RFX7: variants seen among roughly 807,000 people sequenced by gnomAD.
The protein encoded by RFX7 is DNA-binding protein RFX7.
In RFX7, 26 loss-of-function variants were observed where a neutral mutation model predicts 111.8. The ratio of observed to expected loss-of-function variants is 0.23; its 90% CI spans 0.17 to 0.32. The LOEUF is 0.32. Ranked by LOEUF, RFX7 falls within the 10% of genes least tolerant of loss-of-function variation. The pLI, the probability that RFX7 is intolerant of heterozygous loss-of-function variation, is 1.00. For missense variants in RFX7, 1,573 were observed against 1,772.9 expected (o/e 0.89, Z 2.02); for synonymous variants, 624 against 624.4 (o/e 1.00, Z 0.01).
At chr15:56,196,768 T>G (rs114615330) in intron 2 of RFX7, among the ~76,000 whole-genome samples, 1 of 152,224 alleles carries the variant, frequency 6.6e-6, no homozygotes, top group Non-Finnish European at 1.5e-5. Flanking sequence ...CAAACTAATA[T>G]GCACGGTATT....
chr15:56,196,024 A>G (rs2043143391), intron 2 of RFX7, among the ~76,000 whole-genome samples: 1 of 152,192 alleles, frequency 6.6e-6, no homozygotes, highest in South Asian at 2.1e-4. Flanking sequence ...GAACTTTATC[A>G]TAAGGTAACT....
chr15:56,102,015 C>T (rs1183916497), intron 7 of RFX7, among the ~76,000 whole-genome samples, 154 bp downstream of exon 7: 1 of 152,136 alleles, frequency 6.6e-6, no homozygotes, highest in African/African-American at 2.4e-5. Flanking sequence ...AGGTCATATA[C>T]ACTAACATTT....
intron 4 of RFX7, 133 bp downstream of exon 4, chr15:56,144,268 T>C: frequency 3.8e-6 from 1 of 264,206 alleles, no homozygotes; most frequent in East Asian, 8.1e-5. Context: ...TGATGTATTG[T>C]TTTGCCAGTA....
At chr15:56,180,866 G>A (rs1284382086) in intron 2 of RFX7, among the ~76,000 whole-genome samples, 1 of 151,942 alleles carries the variant, frequency 6.6e-6, no homozygotes, top group Non-Finnish European at 1.5e-5. Flanking sequence ...GCAGTGAGGT[G>A]AGATTGTGCC....
At chr15:56,216,945 T>C (rs1363201618) in intron 2 of RFX7, among the ~76,000 whole-genome samples, 1 of 152,162 alleles carries the variant, frequency 6.6e-6, no homozygotes, top group Non-Finnish European at 1.5e-5. Context: ...CACACCACCA[T>C]GCGTGGCTCT....
chr15:56,143,757 T>C (rs940981461), intron 4 of RFX7, among the ~76,000 whole-genome samples: 3 of 152,238 alleles, frequency 2.0e-5, no homozygotes, highest in African/African-American at 2.4e-5. Flanking sequence ...CTCAAATAAT[T>C]TGCATTTCAT....
At chr15:56,139,304 T>C (rs1385976904) in intron 5 of RFX7, among the ~76,000 whole-genome samples, 1 of 151,898 alleles carries the variant, frequency 6.6e-6, no homozygotes, top group Non-Finnish European at 1.5e-5. Context: ...TCTTGGAGGC[T>C]TTGCTCATTT....
At chr15:56,106,598 T>C (rs2041833294) in intron 5 of RFX7, among the ~76,000 whole-genome samples, 1 of 152,204 alleles carries the variant, frequency 6.6e-6, no homozygotes. Flanking sequence ...AAATGATGGG[T>C]TACCTCAACA....
upstream of RFX7, among the ~76,000 whole-genome samples, chr15:56,244,573 C>T (rs1258245822): frequency 1.4e-5 from 2 of 147,940 alleles, no homozygotes; most frequent in Non-Finnish European, 3.0e-5. Context: ...TTCCCCTCCA[C>T]CTCCCCACCC....
rs764866042 is a variant in RFX7 at position 56,096,016 on chromosome 15, T to A, written c.1712A>T (p.Gln571Leu). ...APQTPSALLG[Q>L]KSNTDGALQK... The stretch of plus-strand genomic sequence containing the variant: ...CAGTGCTCCGTCTGTATTACTTTTC[T>A]GCCCCAAAAGGGCACTAGGTGTCTG... Residue 571 changes from glutamine to leucine, a missense_variant, in exon 10 of 10, where the codon CAG becomes CTG. This residue lies in a region of RFX7 where 625 missense variants were observed against 632.2 expected (regional missense o/e 0.99). Coordinates refer to ENST00000559447, the MANE Select transcript of RFX7 (RefSeq NM_022841.7). 6.2e-7 allele frequency: 1 copy of A among 1,613,058 alleles called. No individual in the cohort carries two copies. The highest frequency in any genetic ancestry group is 1.1e-5 in the South Asian group (1 of 90,940).
intron 5 of RFX7, among the ~76,000 whole-genome samples, chr15:56,133,597 A>T (rs1203688235): frequency 6.6e-6 from 1 of 152,122 alleles, no homozygotes; most frequent in African/African-American, 2.4e-5. Context: ...CAGGATAATG[A>T]GTGCCTAATG....
At position 56,231,899 on chromosome 15, in the gene RFX7, G is replaced by A. The variant is rs528861280; in HGVS notation, c.161+11226C>T. ...CGAAGGAGCTAAAGGCCCCATGCAA[G>A]TCCCAAATCCAGTGGGGCAGTCAAA... On this transcript the variant is annotated intron_variant, in intron 2 of 9. Transcript: ENST00000559447. 1.2e-4 allele frequency among the ~76,000 whole-genome samples: 18 copies of A among 152,304 alleles called. No individual in the cohort carries two copies. In the South Asian group the frequency reaches 3.7e-3, roughly 32 times the overall value.
intron 3 of RFX7, among the ~76,000 whole-genome samples, chr15:56,150,543 C>A (rs2042555443): frequency 6.6e-6 from 1 of 152,158 alleles, no homozygotes; most frequent in African/African-American, 2.4e-5. Flanking sequence ...CACATCCACT[C>A]AAAGACCCCA....
chr15:56,153,581 G>C (rs11858245), intron 3 of RFX7, among the ~76,000 whole-genome samples: 45,371 of 152,026 alleles, frequency 0.3, 7,694 homozygotes, highest in Middle Eastern at 0.46. Context: ...AAAGGCCTTT[G>C]ATAAAATTCA....
At chr15:56,227,563 A>G (rs572177539) in intron 2 of RFX7, among the ~76,000 whole-genome samples, 2 of 152,182 alleles carry the variant, frequency 1.3e-5, no homozygotes, top group Non-Finnish European at 2.9e-5. Context: ...TTTGCAATAT[A>G]CATTTATGAC....
At chr15:56,153,290 A>G (rs531492785) in intron 3 of RFX7, among the ~76,000 whole-genome samples, 1 of 152,224 alleles carries the variant, frequency 6.6e-6, no homozygotes, top group African/African-American at 2.4e-5. Flanking sequence ...TCCCTGATGA[A>G]CATCGATGTG....
intron 5 of RFX7, among the ~76,000 whole-genome samples, chr15:56,129,114 G>A (rs571874147): frequency 6.6e-6 from 1 of 152,220 alleles, no homozygotes; most frequent in African/African-American, 2.4e-5. Flanking sequence ...AATGGCTCAC[G>A]CCTGTAATCC....
At chr15:56,110,541 T>TGG (rs764386511) in intron 5 of RFX7, among the ~76,000 whole-genome samples, 31 of 7,296 alleles carry the variant, frequency 4.2e-3, no homozygotes, top group East Asian at 0.033. Flanking sequence ...GGGAGGGAGG[T>TGG]GGGGGGGGTC....
In RFX7 at chr15:56,142,165, A is replaced by T. The variant is rs576422157; in HGVS notation, c.401+613T>A. On this transcript the variant is annotated intron_variant, in intron 5 of 9. Coordinates refer to ENST00000559447, the MANE Select transcript of RFX7 (RefSeq NM_022841.7). ...AAATCAATTATAAAAATGTTAAACG[A>T]GACTATATTTAGCACCTATTAACCT... Among the ~76,000 whole-genome samples, 10 of 152,272 alleles carry T rather than the reference A, an allele frequency of 6.6e-5. 1 individual carries two copies. Among genetic ancestry groups the T allele is most frequent in the African/African-American group, 2.4e-4 (10 of 41,566 alleles).
Sources: gnomAD v4.1 joint callset for allele counts (sites outside exome capture counted in the v4.1 genomes callset) on GRCh38, gnomAD v4.1.1 for gene constraint, gnomAD v4.1.1 regional missense constraint, MANE v1.5 for transcripts, NCBI Gene and HGNC (gene_info 2026-07-23, HGNC 2026-07-21) for gene names.